ATAD2B: variants seen among roughly 807,000 people sequenced by gnomAD.
ATAD2B encodes ATPase family AAA domain-containing protein 2B.
ATAD2B carries 40 observed loss-of-function variants against 167.6 expected under a neutral mutation model. That is an observed-to-expected ratio of 0.24 (90% CI 0.19 to 0.31). The LOEUF (loss-of-function observed/expected upper bound fraction) is 0.31, where lower values mean the gene tolerates loss of function less well. Among genes scored for constraint, ATAD2B ranks in the 10% least tolerant of loss-of-function variants. The pLI, the probability that ATAD2B is intolerant of heterozygous loss-of-function variation, is 1.00. For synonymous variants in ATAD2B, 579 were observed against 596.5 expected, an observed-to-expected ratio of 0.97 and a Z score of 0.43; for missense variants, 1,242 against 1,757.2, an observed-to-expected ratio of 0.71 and a Z score of 5.24.
downstream of ATAD2B, among the ~76,000 whole-genome samples, chr2:23,744,410 T>C (rs1470886405): frequency 6.6e-6 from 1 of 152,132 alleles, no homozygotes; most frequent in Admixed American, 6.5e-5. Flanking sequence ...ATATATAAAT[T>C]TTAAAGATAT....
intron 1 of ATAD2B, among the ~76,000 whole-genome samples, chr2:23,909,936 C>G (rs1702033113): frequency 6.6e-6 from 1 of 151,470 alleles, no homozygotes; most frequent in Non-Finnish European, 1.5e-5. Flanking sequence ...GATCATAACT[C>G]ACTACAGCCT....
intron 17 of ATAD2B, among the ~76,000 whole-genome samples, chr2:23,812,419 A>G (rs1685743564): frequency 1.3e-5 from 2 of 152,192 alleles, no homozygotes; most frequent in Admixed American, 6.5e-5. Flanking sequence ...AAAGACGTCA[A>G]TTCTTCCTAA....
At chr2:23,752,854 T>C (rs1465548297) in intron 27 of ATAD2B, among the ~76,000 whole-genome samples, 1 of 152,138 alleles carries the variant, frequency 6.6e-6, no homozygotes, top group Non-Finnish European at 1.5e-5. Flanking sequence ...ACTACCACCA[T>C]GAAAGCCACT....
At chr2:23,785,457 C>G (rs1680680850) in intron 21 of ATAD2B, among the ~76,000 whole-genome samples, 1 of 152,050 alleles carries the variant, frequency 6.6e-6, no homozygotes, top group Non-Finnish European at 1.5e-5. Context: ...CTCCCACAAG[C>G]ACACAAAATA....
intron 2 of ATAD2B, among the ~76,000 whole-genome samples, chr2:23,894,956 T>C (rs1029970085): frequency 6.6e-6 from 1 of 152,132 alleles, no homozygotes; most frequent in Non-Finnish European, 1.5e-5. Flanking sequence ...CCTGTCAAAG[T>C]CTATATAACC....
chr2:23,812,203 GAA>G (rs1685703700), intron 17 of ATAD2B, among the ~76,000 whole-genome samples: 1 of 149,232 alleles, frequency 6.7e-6, no homozygotes. Context: ...AAAACTGTCA[GAA>G]TCTACCAGCA....
At chr2:23,725,891 G>T in the ATAD2B span, among the ~76,000 whole-genome samples, 1 of 152,246 alleles carries the variant, frequency 6.6e-6, no homozygotes, top group East Asian at 1.9e-4. Flanking sequence ...AGATTATGGA[G>T]AAATTAGAAC....
the ATAD2B span, among the ~76,000 whole-genome samples, chr2:23,716,678 A>AT: frequency 5.9e-5 from 9 of 152,182 alleles, no homozygotes; most frequent in Non-Finnish European, 1.3e-4. Flanking sequence ...CTTTCCTAAC[A>AT]TTGTCATCTT....
chr2:23,903,558 A>G (rs1234249729), intron 1 of ATAD2B, among the ~76,000 whole-genome samples: 1 of 152,186 alleles, frequency 6.6e-6, no homozygotes, highest in Non-Finnish European at 1.5e-5. Context: ...GCTACCATAA[A>G]TAGTGACTAT....
intron 17 of ATAD2B, among the ~76,000 whole-genome samples, chr2:23,818,979 T>C (rs1436160375): frequency 6.6e-6 from 1 of 152,224 alleles, no homozygotes; most frequent in Non-Finnish European, 1.5e-5. Flanking sequence ...GTTATTTAAT[T>C]ACTGAACAAT....
chr2:23,890,503 A>G (rs964572926), intron 2 of ATAD2B, among the ~76,000 whole-genome samples: 1 of 152,216 alleles, frequency 6.6e-6, no homozygotes, highest in African/African-American at 2.4e-5. Flanking sequence ...TACACAATGC[A>G]TTCCTGGAAT....
the ATAD2B span, among the ~76,000 whole-genome samples, chr2:23,725,295 C>G: frequency 2.0e-5 from 3 of 152,262 alleles, no homozygotes; most frequent in Admixed American, 2.0e-4. Context: ...ACTAGACCTT[C>G]TCCAAAAGAG....
At chr2:23,827,083 A>C (rs1007131645) in intron 15 of ATAD2B, among the ~76,000 whole-genome samples, 2 of 149,634 alleles carry the variant, frequency 1.3e-5, no homozygotes. Flanking sequence ...TCTGAATTTG[A>C]TTTTTTTTTT....
At chr2:23,714,302 C>T in the ATAD2B span, among the ~76,000 whole-genome samples, 7 of 149,074 alleles carry the variant, frequency 4.7e-5, no homozygotes, top group South Asian at 2.1e-4. Flanking sequence ...TGCAGTGGCG[C>T]GATCTCGGCT....
Position 23,823,429 on chromosome 2 carries a change from A to G in ATAD2B, c.1960T>C (p.Tyr654His), listed in dbSNP as rs1687775138. The part of the protein sequence containing the change: ...SSIVLSAQDF[Y>H]HAMQNIVPAS... ...GGCACGATATTCTGCATTGCATGGT[A>G]AAAATCTTGGGCACTAAGCACTATT... is the stretch of plus-strand genomic sequence containing the variant. The change falls in exon 16 of 28, where the codon TAC becomes CAC. Residue 654 changes from tyrosine to histidine, a missense_variant. Physicochemically the swap from Tyr to His is moderately conservative, Grantham distance 83. Coordinates refer to ENST00000238789, the MANE Select transcript of ATAD2B (RefSeq NM_017552.4). 6.2e-7 allele frequency: 1 copy of G among 1,613,870 alleles called. No individual in the cohort carries two copies. Among genetic ancestry groups the G allele is most frequent in the Non-Finnish European group, 8.5e-7 (1 of 1,179,892 alleles).
At chr2:23,736,576 C>T in the ATAD2B span, among the ~76,000 whole-genome samples, 1 of 152,082 alleles carries the variant, frequency 6.6e-6, no homozygotes, top group Non-Finnish European at 1.5e-5. Flanking sequence ...GAGAAGATGG[C>T]CAAATAAGAA....
the ATAD2B span, chr2:23,689,726 T>C: frequency 6.6e-6 from 1 of 152,264 alleles, no homozygotes; most frequent in Non-Finnish European, 1.5e-5. Context: ...CAGCGGCTTG[T>C]AGGAATGAAG....
intron 1 of ATAD2B, among the ~76,000 whole-genome samples, chr2:23,896,846 G>C (rs553058391): frequency 6.6e-6 from 1 of 152,312 alleles, no homozygotes; most frequent in South Asian, 2.1e-4. Context: ...ACGGTCAAGA[G>C]TACAGGCGAG....
At chr2:23,701,338 T>C in the ATAD2B span, among the ~76,000 whole-genome samples, 1 of 152,244 alleles carries the variant, frequency 6.6e-6, no homozygotes. Context: ...TTCTGACCTC[T>C]TCATTCCAGG....
Sources: allele counts gnomAD v4.1 joint callset (sites outside exome capture counted in the v4.1 genomes callset), GRCh38; gene constraint gnomAD v4.1.1; transcripts MANE v1.5; gene names NCBI Gene and HGNC (gene_info 2026-07-23, HGNC 2026-07-21).